PRCD: variants seen among roughly 807,000 people sequenced by gnomAD.
PRCD encodes the protein photoreceptor disk component PRCD.
PRCD carries 12 observed loss-of-function variants against 10.1 expected under a neutral mutation model. The observed-to-expected ratio is 1.18, with a 90% CI of 0.76 to 1.92. The LOEUF is 1.92. PRCD is among the 40% of genes most tolerant of loss of function. The pLI, the probability that PRCD is intolerant of heterozygous loss-of-function variation, is 0.00. For missense variants in PRCD, 61 were observed against 72.2 expected (o/e 0.84, Z 0.56); for synonymous variants, 31 against 26.2 (o/e 1.18, Z -0.56).
chr17:76,544,431 T>C lies in PRCD; in HGVS notation c.*781T>C. The C allele has an allele frequency of 2.2e-6, 1 of 454,374 alleles. No individual in the cohort carries two copies. Among genetic ancestry groups the C allele is most frequent in the Admixed American group, 2.4e-5 (1 of 42,540 alleles). 28.1% of individuals were successfully genotyped at this position (454,374 alleles called of 1,614,324 possible). ...GAGGCGCTCAGGGTGGGGGAGGAGGTGCACCCCGCTGGGGAGGGCCTGCTG... is the reference window on the plus strand; with the variant it reads ...GAGGCGCTCAGGGTGGGGGAGGAGGCGCACCCCGCTGGGGAGGGCCTGCTG... On this transcript the variant is annotated 3_prime_UTR_variant, in exon 5 of 5. Coordinates refer to ENST00000592014, the MANE Select transcript of PRCD (RefSeq NM_001077620.3).
chr17:76,541,259 A>G (rs569964434), intron 2 of PRCD, among the ~76,000 whole-genome samples: 25 of 152,338 alleles, frequency 1.6e-4, no homozygotes, highest in African/African-American at 6.0e-4. Context: ...GTTCCCATGC[A>G]TGAGGGGTTC....
chr17:76,537,425 C>T, upstream of PRCD: 1 of 1,598,598 alleles, frequency 6.3e-7, no homozygotes, highest in Non-Finnish European at 8.5e-7. Flanking sequence ...ACCCCCACGT[C>T]CTCGCAGTTG....
At chr17:76,538,482 C>A, upstream of PRCD, 1 of 466,268 alleles carries the variant, frequency 2.1e-6, no homozygotes, top group Admixed American at 2.4e-5. Context: ...CAGAAGTCCC[C>A]CGTGGCTTAT....
downstream of PRCD, among the ~76,000 whole-genome samples, chr17:76,548,041 C>A (rs575695333): frequency 1.3e-5 from 2 of 151,730 alleles, no homozygotes; most frequent in African/African-American, 4.8e-5. Flanking sequence ...TACACATATA[C>A]GAACATTCAC....
chr17:76,528,878 G>A lies in PRCD; in HGVS notation n.45+1045G>A. On this transcript the variant is annotated intron_variant and non_coding_transcript_variant, in intron 1 of 4. Transcript: ENST00000397633. The surrounding 1 kb of genome is among the most constrained non-coding windows in gnomAD (Gnocchi z 5.8). Reference sequence around the variant, plus strand: ...TAATGTCTGTCTTGTGACATAAACTGGGTAAAAAAGTGTTTCACAAACTGC... The same window carrying A: ...TAATGTCTGTCTTGTGACATAAACTAGGTAAAAAAGTGTTTCACAAACTGC... 1 of 1,215,386 alleles carries A rather than the reference G, an allele frequency of 8.2e-7. No homozygotes were observed. Among genetic ancestry groups the A allele is most frequent in the East Asian group, 3.3e-5 (1 of 30,648 alleles). The allele number at this position is 1,215,386 out of a possible 1,614,324, so 75.3% of individuals were successfully genotyped here. A position where few individuals can be genotyped will look rare whatever the true frequency, so the allele number is the denominator to read the frequency against.
rs556725780 is a variant in PRCD, at chr17:76,543,083, C to T, written c.*114C>T. 6.4e-5 allele frequency: 30 copies of T among 471,574 alleles called. No individual in the cohort carries two copies. Among genetic ancestry groups the T allele is most frequent in the Admixed American group, 2.6e-4 (11 of 42,582 alleles). 29.2% of individuals were successfully genotyped at this position (471,574 alleles called of 1,614,324 possible). ...GAGGATGCTGTGGGAGCTGCAGCAG[C>T]GGCAAGAGGGAGAATGGGGGGAAGC... is the stretch of plus-strand genomic sequence containing the variant. On this transcript the variant is annotated 3_prime_UTR_variant, in exon 4 of 5. Transcript: ENST00000592014.
chr17:76,536,864 G>T (rs62086575), upstream of PRCD, among the ~76,000 whole-genome samples: 24,274 of 152,174 alleles, frequency 0.16, 2,417 homozygotes, highest in East Asian at 0.36. Flanking sequence ...CAGCGGGAAG[G>T]GGGCAGCTGG....
intron 1 of PRCD, among the ~76,000 whole-genome samples, chr17:76,532,852 A>G (rs1598204226): frequency 6.6e-6 from 1 of 151,240 alleles, no homozygotes; most frequent in South Asian, 2.1e-4. Flanking sequence ...TGACTTTTTC[A>G]CCTCCCCTCC....
rs769857895 is a variant in PRCD at position 76,540,481 on chromosome 17, C to T, written c.75-24C>T. 6.2e-7 allele frequency: 1 copy of T among 1,612,908 alleles called. No homozygotes were observed. Among genetic ancestry groups the T allele is most frequent in the Non-Finnish European group, 8.5e-7 (1 of 1,179,350 alleles). On this transcript the variant is annotated intron_variant, in intron 1 of 4. Transcript: ENST00000592014. This position sits in a 1 kb window ranked among gnomAD's most constrained non-coding sequence, Gnocchi z 5.0. Reference sequence around the variant, plus strand: ...GGGGCTGGGCACAGCCATAGCTCTTCCTCCCTACTCTTGCCTCCCACAGAG... The same window carrying T: ...GGGGCTGGGCACAGCCATAGCTCTTTCTCCCTACTCTTGCCTCCCACAGAG...
At chr17:76,543,198 A>C in intron 4 of PRCD, 77 bp downstream of exon 4, 2 of 426,896 alleles carry the variant, frequency 4.7e-6, no homozygotes, top group South Asian at 3.5e-5. Flanking sequence ...CCTGAGCAGG[A>C]CCTGGCTGGG....
At position 76,540,252 on chromosome 17, in the gene PRCD, G is replaced by A; in HGVS notation, c.74+37G>A. The A allele has an allele frequency of 3.2e-6, 3 of 925,448 alleles. No individual in the cohort carries two copies. The highest frequency in any genetic ancestry group is 4.7e-6 in the Non-Finnish European group (3 of 632,718). 57.3% of individuals were successfully genotyped at this position (925,448 alleles called of 1,614,324 possible). On this transcript the variant is annotated intron_variant, in intron 1 of 4. Coordinates refer to ENST00000592014, the MANE Select transcript of PRCD (RefSeq NM_001077620.3). The surrounding 1 kb of genome is among the most constrained non-coding windows in gnomAD (Gnocchi z 5.0). ...ACCGGGCTATGGCTGGCGGTTGGTC[G>A]GGGGGGGGGGGCATGGGGCTGGGCT...
intron 1 of PRCD, chr17:76,529,185 C>T (rs2074803653): frequency 2.0e-6 from 2 of 985,348 alleles, no homozygotes; most frequent in Non-Finnish European, 1.2e-6. Flanking sequence ...TCTGTAACTC[C>T]ATCCTACCCT....
In PRCD at chr17:76,528,558, G is replaced by A. The variant is rs1371964903; in HGVS notation, n.45+725G>A. ...CTTCTGCTCGAGGTGCTGCCAGGGA[G>A]GGGGGTGGAGTTAGGGGTCCTACGG... On this transcript the variant is annotated intron_variant and non_coding_transcript_variant, in intron 1 of 4. Coordinates refer to the PRCD transcript ENST00000397633. The surrounding 1 kb of genome is among the most constrained non-coding windows in gnomAD (Gnocchi z 5.8). 3.1e-6 allele frequency: 4 copies of A among 1,289,454 alleles called. No individual in the cohort carries two copies. The highest frequency in any genetic ancestry group is 2.9e-5 in the South Asian group (1 of 33,906). The allele number at this position is 1,289,454 out of a possible 1,614,324, so 79.9% of individuals were successfully genotyped here. A position where few individuals can be genotyped will look rare whatever the true frequency, so the allele number is the denominator to read the frequency against.
chr17:76,529,135 C>T, intron 1 of PRCD: 2 of 981,806 alleles, frequency 2.0e-6, no homozygotes, highest in Non-Finnish European at 2.4e-6. Flanking sequence ...CCCTGCTTCC[C>T]TGATAAGAGA....
At position 76,531,184 on chromosome 17, in the gene PRCD, C is replaced by A; in HGVS notation, n.45+3351C>A. ...GAAGGGGGAGTGAACGCCCGGGCGC[C>A]CTGCGTCCTGCAACCCCCAGGCCCC... is the stretch of plus-strand genomic sequence containing the variant. On this transcript the variant is annotated intron_variant and non_coding_transcript_variant, in intron 1 of 4. Coordinates refer to the PRCD transcript ENST00000397633. This position sits in a 1 kb window ranked among gnomAD's most constrained non-coding sequence, Gnocchi z 7.4. The A allele has an allele frequency of 6.3e-7, 1 of 1,585,554 alleles. No homozygotes were observed. Among genetic ancestry groups the A allele is most frequent in the Non-Finnish European group, 8.6e-7 (1 of 1,161,372 alleles).
In PRCD at chr17:76,543,038, T is replaced by C; in HGVS notation, c.*69T>C. The C allele has an allele frequency of 2.1e-6, 1 of 473,516 alleles. No individual in the cohort carries two copies. Among genetic ancestry groups the C allele is most frequent in the South Asian group, 1.5e-5 (1 of 64,582 alleles). The allele number at this position is 473,516 out of a possible 1,614,324, so 29.3% of individuals were successfully genotyped here. ...TGGTTTTCTGTTTCAGCTCAGGTCC[T>C]GGTTCGTCCCCTAGCCCAGGAGGAT... On this transcript the variant is annotated 3_prime_UTR_variant, in exon 4 of 5. Transcript: ENST00000592014.
chr17:76,537,052 A>G (rs1598207812), upstream of PRCD, among the ~76,000 whole-genome samples: 1 of 152,162 alleles, frequency 6.6e-6, no homozygotes, highest in African/African-American at 2.4e-5. Context: ...CCCCTGCTAT[A>G]CTACCTTTGA....
chr17:76,545,800 G>A (rs1040231821), downstream of PRCD: 6 of 209,152 alleles, frequency 2.9e-5, no homozygotes, highest in African/African-American at 1.4e-4. Flanking sequence ...AATCCGGTTT[G>A]AACTGTAAAT....
rs930855635 is a variant in PRCD, at chr17:76,531,946, T to C, written n.45+4113T>C. The C allele has an allele frequency of 9.9e-6, 4 of 404,610 alleles. No individual in the cohort carries two copies. The Admixed American group carries it at 1.6e-4, about 16-fold the overall frequency. 25.1% of individuals were successfully genotyped at this position (404,610 alleles called of 1,614,324 possible). A position where few individuals can be genotyped will look rare whatever the true frequency, so the allele number is the denominator to read the frequency against. ...GGCGGCTTCATCTCCTAGGCCTCTG[T>C]CTTCCTCGCTTCTTGCTTCCTTCCC... On this transcript the variant is annotated intron_variant and non_coding_transcript_variant, in intron 1 of 4. Coordinates refer to the PRCD transcript ENST00000397633. This position sits in a 1 kb window ranked among gnomAD's most constrained non-coding sequence, Gnocchi z 7.4.
Sources: allele counts gnomAD v4.1 joint callset (sites outside exome capture counted in the v4.1 genomes callset), GRCh38; gene constraint gnomAD v4.1.1; non-coding constraint Gnocchi (gnomAD v3.1); transcripts MANE v1.5; gene names NCBI Gene and HGNC (gene_info 2026-07-23, HGNC 2026-07-21).